Variants in RNF157 observed in about 807,000 individuals in gnomAD.
RNF157 encodes the protein E3 ubiquitin ligase RNF157.
In RNF157, 55 loss-of-function variants were observed where a neutral mutation model predicts 88.3. The observed-to-expected ratio is 0.62, with a 90% CI of 0.50 to 0.78. RNF157 has a LOEUF of 0.78. RNF157 is among the 30% of genes least tolerant of loss of function. The probability of loss-of-function intolerance (pLI) is 0.00; values close to 1 mark genes in which losing one functional copy is unlikely to be tolerated. For synonymous variants in RNF157, 334 were observed against 341.2 expected (o/e 0.98, Z 0.23); for missense variants, 788 against 860.8 (o/e 0.92, Z 1.06).
intron 2 of RNF157, among the ~76,000 whole-genome samples, chr17:76,181,322 A>G (rs569093429): frequency 6.6e-6 from 1 of 152,316 alleles, no homozygotes; most frequent in Non-Finnish European, 1.5e-5. Context: ...AGATGGCAGT[A>G]TGTACAAAAT....
intron 2 of RNF157, among the ~76,000 whole-genome samples, chr17:76,199,678 G>C (rs2069539077): frequency 6.6e-6 from 1 of 151,736 alleles, no homozygotes; most frequent in Admixed American, 6.6e-5. Flanking sequence ...CTTATCACTG[G>C]TGATCTCAAC....
At chr17:76,186,783 T>C (rs912390029) in intron 2 of RNF157, among the ~76,000 whole-genome samples, 3 of 151,444 alleles carry the variant, frequency 2.0e-5, no homozygotes, top group Admixed American at 1.3e-4. Context: ...CTATTACAAA[T>C]ACAAAAATTA....
chr17:76,190,237 C>A lies in RNF157; in HGVS notation c.208-16447G>T, dbSNP rs375062059. Among the ~76,000 whole-genome samples, 7 of 151,016 alleles carry A rather than the reference C, an allele frequency of 4.6e-5. No homozygotes were observed. In the East Asian group the frequency reaches 9.7e-4, roughly 21 times the overall value. On this transcript the variant is annotated intron_variant, in intron 2 of 18. Transcript: ENST00000269391. ...GCTGGAGTGCAGTGGCACAATTTCG[C>A]CTCACTGCGACTTCCACCTCCCGGG...
chr17:76,152,517 G>A (rs1368765884), intron 17 of RNF157, 52 bp from the exon 18 acceptor site: 15 of 1,048,156 alleles, frequency 1.4e-5, no homozygotes, highest in East Asian at 4.8e-5. Flanking sequence ...TTTTCTCTGC[G>A]TTGCTGTCCT....
At chr17:76,197,416 A>G (rs542585870) in intron 2 of RNF157, among the ~76,000 whole-genome samples, 1 of 152,260 alleles carries the variant, frequency 6.6e-6, no homozygotes, top group African/African-American at 2.4e-5. Context: ...TAATCCCAGA[A>G]ATTTGGAAGG....
chr17:76,212,558 T>G, intron 1 of RNF157, 76 bp from the exon 2 acceptor site: 2 of 984,252 alleles, frequency 2.0e-6, no homozygotes, highest in Non-Finnish European at 1.6e-6. Context: ...AAAAAGCTGA[T>G]TTTTAAAATG....
chr17:76,147,308 G>A (rs1011993317), intron 18 of RNF157: 9 of 985,566 alleles, frequency 9.1e-6, no homozygotes, highest in African/African-American at 3.5e-5. Flanking sequence ...CCGGAGCTGC[G>A]GCTGTTCAGT....
intron 2 of RNF157, among the ~76,000 whole-genome samples, chr17:76,196,938 C>T (rs1468019946): frequency 6.6e-6 from 1 of 152,212 alleles, no homozygotes; most frequent in Non-Finnish European, 1.5e-5. Flanking sequence ...AGACCGCACT[C>T]ATGTTTGGTT....
chr17:76,188,695 T>G (rs939641215), intron 2 of RNF157, among the ~76,000 whole-genome samples: 1 of 152,226 alleles, frequency 6.6e-6, no homozygotes, highest in Non-Finnish European at 1.5e-5. Flanking sequence ...CATTCTCTTA[T>G]GCTAGTTAAT....
rs772594167 is a variant in RNF157 at position 76,155,583 on chromosome 17, C to A, written c.1677G>T (p.Arg559Ser). Residue 559 changes from arginine to serine, a missense_variant, in exon 15 of 19, where the codon AGG (arginine) becomes AGT (serine). Arg to Ser is a moderately radical substitution (Grantham distance 110). Coordinates refer to ENST00000269391, the MANE Select transcript of RNF157 (RefSeq NM_052916.3). ...EALSSPQPAS[R>S]APSEEGEGLP... is the part of the protein sequence containing the mutation. ...TTACCTCTCCTTCTTCTGAGGGGGC[C>A]CTGCTGGCAGGCTGGGGGGAAGAGA... is the stretch of plus-strand genomic sequence containing the variant. The A allele has an allele frequency of 4.3e-6, 7 of 1,612,668 alleles. No individual in the cohort carries two copies. The highest frequency in any genetic ancestry group is 5.9e-6 in the Non-Finnish European group (7 of 1,179,616).
chr17:76,158,344 G>T, intron 13 of RNF157, 49 bp downstream of exon 13: 1 of 1,255,948 alleles, frequency 8.0e-7, no homozygotes, highest in Non-Finnish European at 1.2e-6. Context: ...AGGTAGGAGG[G>T]AAGTCCCTGG....
chr17:76,199,986 C>G (rs1338470514), intron 2 of RNF157, among the ~76,000 whole-genome samples: 4 of 152,104 alleles, frequency 2.6e-5, no homozygotes, highest in Non-Finnish European at 4.4e-5. Context: ...GCCTGTAATC[C>G]CAGCACTTTG....
At chr17:76,179,809 C>T (rs894629028) in intron 2 of RNF157, among the ~76,000 whole-genome samples, 1 of 152,198 alleles carries the variant, frequency 6.6e-6, no homozygotes, top group Non-Finnish European at 1.5e-5. Context: ...AAAGATGAAG[C>T]TCAGAACAGA....
In RNF157 at chr17:76,209,446, C is replaced by T. The variant is rs78730150; in HGVS notation, c.207+2918G>A. On this transcript the variant is annotated intron_variant, in intron 2 of 18. Transcript: ENST00000269391. ...CTTTTAATGTGGCCCAACAGAAACT[C>T]GTAAACTTTCTTAAAACATTGTAAG... Among the ~76,000 whole-genome samples the T allele has an allele frequency of 5.7e-3, 870 of 151,960 alleles. 10 individuals are homozygous for T. The highest frequency in any genetic ancestry group is 0.02 in the African/African-American group (826 of 41,422).
rs1288310090 is a variant in RNF157, at chr17:76,176,866, C to T, written c.208-3076G>A. 6.6e-6 allele frequency among the ~76,000 whole-genome samples: 1 copy of T among 151,946 alleles called. No individual in the cohort carries two copies. The highest frequency in any genetic ancestry group is 2.4e-5 in the African/African-American group (1 of 41,386). On this transcript the variant is annotated intron_variant, in intron 2 of 18. Transcript: ENST00000269391. This position sits in a 1 kb window ranked among gnomAD's most constrained non-coding sequence, Gnocchi z 4.2. Reference sequence around the variant, plus strand: ...CAGGAAGTGGGAGCAGCTTCCGCTTCGGGCACCTGGCCATTGGCGCAGCCA... The same window carrying T: ...CAGGAAGTGGGAGCAGCTTCCGCTTTGGGCACCTGGCCATTGGCGCAGCCA...
rs2068937953 is a variant in RNF157, at chr17:76,167,046, G to C, written c.524C>G (p.Ser175Cys). Residue 175 changes from serine (S) to cysteine (C), a missense_variant, in exon 5 of 19, where the codon TCC (serine) becomes TGC (cysteine). Physicochemically the swap from Ser to Cys is moderately radical, Grantham distance 112. Transcript: ENST00000269391. The stretch of plus-strand genomic sequence containing the variant: ...CCACTCGGAGGGATCCACGGTGTGG[G>C]AGGGCAGGCAGAACTGCTGACACAC... ...RGVCQQFCLP[S>C]HTVDPSEWAE... 5.6e-6 allele frequency: 9 copies of C among 1,612,410 alleles called. No homozygotes were observed. The highest frequency in any genetic ancestry group is 7.6e-6 in the Non-Finnish European group (9 of 1,179,884).
In RNF157 at chr17:76,176,581, C is replaced by T. The variant is rs543603623; in HGVS notation, c.208-2791G>A. On this transcript the variant is annotated intron_variant, in intron 2 of 18. Transcript: ENST00000269391. The surrounding 1 kb of genome is among the most constrained non-coding windows in gnomAD (Gnocchi z 4.2). ...ACAGTGGTGGGCTGTCCAGAGCAGCCGCTGCCATCACAACGGCTGCTGCAG... is the reference window on the plus strand; with the variant it reads ...ACAGTGGTGGGCTGTCCAGAGCAGCTGCTGCCATCACAACGGCTGCTGCAG... Among the ~76,000 whole-genome samples, 86 of 152,318 alleles carry T rather than the reference C, an allele frequency of 5.6e-4. No homozygotes were observed. The highest frequency in any genetic ancestry group is 2.0e-3 in the African/African-American group (82 of 41,566).
intron 18 of RNF157, among the ~76,000 whole-genome samples, chr17:76,148,453 G>C (rs2144789300): frequency 6.6e-6 from 1 of 151,888 alleles, no homozygotes; most frequent in East Asian, 1.9e-4. Context: ...ATTTTTGGTA[G>C]AGATGAGGTT....
At chr17:76,175,099 C>T (rs1434897840) in intron 2 of RNF157, among the ~76,000 whole-genome samples, 1 of 152,112 alleles carries the variant, frequency 6.6e-6, no homozygotes, top group Non-Finnish European at 1.5e-5. Flanking sequence ...CCATCCTGTC[C>T]ACCTCTATAT....
Sources: allele counts gnomAD v4.1 joint callset (sites outside exome capture counted in the v4.1 genomes callset), GRCh38; gene constraint gnomAD v4.1.1; non-coding constraint Gnocchi (gnomAD v3.1); transcripts MANE v1.5; gene names NCBI Gene and HGNC (gene_info 2026-07-23, HGNC 2026-07-21).